Variants in ZSWIM6 observed in about 807,000 individuals in gnomAD.
ZSWIM6 encodes the protein zinc finger SWIM-type containing 6, also known as zinc finger SWIM domain-containing protein 6.
In ZSWIM6, 9 loss-of-function variants were observed where a neutral mutation model predicts 113.2. The observed-to-expected ratio is 0.08, with a 90% CI of 0.05 to 0.14. The LOEUF (loss-of-function observed/expected upper bound fraction) is 0.14, where lower values mean the gene tolerates loss of function less well. Ranked by LOEUF, ZSWIM6 falls within the 10% of genes least tolerant of loss-of-function variation. The pLI is 1.00. For missense variants in ZSWIM6, 1,162 were observed against 1,552.2 expected (o/e 0.75, Z 4.22); for synonymous variants, 611 against 606.5 (o/e 1.01, Z -0.11).
At position 61,517,766 on chromosome 5, in the gene ZSWIM6, T is replaced by TTAA. The variant is rs1184060694; in HGVS notation, c.1334-3496_1334-3495insAAT. ...AATTGAAATCCTCAGGAGATTTTTT[T>TTAA]TTAATTATTTAATTATTTATTTATT... On this transcript the variant is annotated intron_variant, in intron 4 of 13. Transcript: ENST00000252744. Among the ~76,000 whole-genome samples, 464 of 150,432 alleles carry TTAA rather than the reference T, an allele frequency of 3.1e-3. 5 individuals are homozygous for TTAA. The highest frequency in any genetic ancestry group is 0.011 in the African/African-American group (450 of 41,248).
At chr5:61,333,473 G>A (rs968000002) in intron 1 of ZSWIM6, among the ~76,000 whole-genome samples, 1 of 151,948 alleles carries the variant, frequency 6.6e-6, no homozygotes, top group African/African-American at 2.4e-5. Context: ...CGATTTGAGG[G>A]GAGGGGAATA....
chr5:61,390,451 T>C (rs1745683799), intron 1 of ZSWIM6, among the ~76,000 whole-genome samples: 1 of 152,218 alleles, frequency 6.6e-6, no homozygotes, highest in South Asian at 2.1e-4. Context: ...TTTTAGTGTT[T>C]TCCAAAATAT....
chr5:61,391,294 T>C (rs1021174606), intron 1 of ZSWIM6: 9 of 854,264 alleles, frequency 1.1e-5, no homozygotes, highest in Non-Finnish European at 1.8e-5. Flanking sequence ...CCAGTCCAGC[T>C]TCTTGGCCAT....
chr5:61,399,265 G>A (rs1745901541), intron 1 of ZSWIM6, among the ~76,000 whole-genome samples: 1 of 143,720 alleles, frequency 7.0e-6, no homozygotes, highest in Non-Finnish European at 1.5e-5. Flanking sequence ...GATAATCAGT[G>A]TCTATTATTT....
chr5:61,473,540 A>T (rs910625590), intron 2 of ZSWIM6, among the ~76,000 whole-genome samples: 2 of 152,208 alleles, frequency 1.3e-5, no homozygotes, highest in Admixed American at 6.5e-5. Context: ...TTTTCTTTTA[A>T]AACTTTTATA....
intron 9 of ZSWIM6, among the ~76,000 whole-genome samples, chr5:61,534,352 C>T (rs1749519751): frequency 6.6e-6 from 1 of 152,114 alleles, no homozygotes; most frequent in African/African-American, 2.4e-5. Context: ...AAAAACTCAA[C>T]TGAATTAAAA....
intron 3 of ZSWIM6, 89 bp downstream of exon 3, chr5:61,491,023 A>G: frequency 1.6e-6 from 2 of 1,270,908 alleles, no homozygotes; most frequent in Non-Finnish European, 2.1e-6. Context: ...TAGGATAAAG[A>G]CTTTTAAAAA....
chr5:61,435,732 T>C (rs1365224875), intron 1 of ZSWIM6, among the ~76,000 whole-genome samples: 1 of 152,184 alleles, frequency 6.6e-6, no homozygotes, highest in Non-Finnish European at 1.5e-5. Flanking sequence ...AAGAAGCTGA[T>C]TTATTATATT....
In ZSWIM6 at chr5:61,332,710, C is replaced by CA; in HGVS notation, c.438_439insA (p.Ala147SerfsTer107). 1 of 968,746 alleles carries CA rather than the reference C, an allele frequency of 1.0e-6. No homozygotes were observed. Among genetic ancestry groups the CA allele is most frequent in the Non-Finnish European group, 1.2e-6 (1 of 821,604 alleles). 60.0% of individuals were successfully genotyped at this position (968,746 alleles called of 1,614,324 possible). On this transcript the variant is annotated frameshift_variant, in exon 1 of 14. Transcript: ENST00000252744. LOFTEE classifies it high-confidence loss of function. ...GCGACGACAGCGGTGGCGGCGGCGG[C>CA]GCGGGCGGCGGCGGCGGCGGCGGCT...
intron 1 of ZSWIM6, among the ~76,000 whole-genome samples, chr5:61,422,383 A>G (rs1370373074): frequency 2.0e-5 from 3 of 152,190 alleles, no homozygotes; most frequent in Non-Finnish European, 4.4e-5. Context: ...CTGTAGATAT[A>G]TGGATTCATC....
At position 61,371,926 on chromosome 5, in the gene ZSWIM6, T is replaced by C. The variant is rs536333833; in HGVS notation, c.676+38978T>C. ...GATTGGACATTAAGCACATGAACTT[T>C]AAATTCCACTTTCCATTTTGATGTG... On this transcript the variant is annotated intron_variant, in intron 1 of 13. Transcript: ENST00000252744. Among the ~76,000 whole-genome samples, 4 of 152,378 alleles carry C rather than the reference T, an allele frequency of 2.6e-5. No individual in the cohort carries two copies. In the South Asian group the frequency reaches 8.3e-4, roughly 32 times the overall value.
chr5:61,402,601 A>G (rs1044576037), intron 1 of ZSWIM6, among the ~76,000 whole-genome samples: 2 of 151,960 alleles, frequency 1.3e-5, no homozygotes, highest in African/African-American at 4.8e-5. Context: ...TTTAATGACT[A>G]ACTTTCTTCA....
At position 61,384,243 on chromosome 5, in the gene ZSWIM6, G is replaced by A. The variant is rs1579966882; in HGVS notation, c.676+51295G>A. 2.8e-5 allele frequency among the ~76,000 whole-genome samples: 3 copies of A among 107,842 alleles called. No individual in the cohort carries two copies. In the East Asian group the frequency reaches 8.2e-4, roughly 29 times the overall value. 70.7% of individuals were successfully genotyped at this position (107,842 alleles called of 152,430 possible). A position where few individuals can be genotyped will look rare whatever the true frequency, so the allele number is the denominator to read the frequency against. ...AGCCTAGGCGACAGAGCGAGACTCC[G>A]TCTCAAAAAAAAAAAAAAAAAAAAA... On this transcript the variant is annotated intron_variant, in intron 1 of 13. Transcript: ENST00000252744.
intron 1 of ZSWIM6, among the ~76,000 whole-genome samples, chr5:61,456,803 C>T (rs1747213274): frequency 6.6e-6 from 1 of 151,868 alleles, no homozygotes; most frequent in African/African-American, 2.4e-5. Flanking sequence ...TGTATCTTTT[C>T]TTCTATCATA....
chr5:61,492,142 A>G (rs1310603984), intron 3 of ZSWIM6, among the ~76,000 whole-genome samples: 2 of 152,142 alleles, frequency 1.3e-5, no homozygotes, highest in African/African-American at 2.4e-5. Context: ...ACTTAAGAGT[A>G]AAGTGTTTAT....
chr5:61,408,291 T>C (rs962451825), intron 1 of ZSWIM6, among the ~76,000 whole-genome samples: 4 of 152,232 alleles, frequency 2.6e-5, no homozygotes, highest in Non-Finnish European at 4.4e-5. Flanking sequence ...ACAGGGCAAC[T>C]GAGGGACGAA....
chr5:61,432,644 G>T (rs978378328), intron 1 of ZSWIM6, among the ~76,000 whole-genome samples: 1 of 152,190 alleles, frequency 6.6e-6, no homozygotes, highest in African/African-American at 2.4e-5. Context: ...CCTGTTTGTT[G>T]TGAGGCACCT....
intron 1 of ZSWIM6, among the ~76,000 whole-genome samples, chr5:61,360,807 A>G (rs1377221491): frequency 6.6e-6 from 1 of 152,164 alleles, no homozygotes; most frequent in Non-Finnish European, 1.5e-5. Context: ...GCTTTTGATA[A>G]CAGTAGCCAT....
chr5:61,379,653 T>C (rs938096053), intron 1 of ZSWIM6, among the ~76,000 whole-genome samples: 5 of 152,222 alleles, frequency 3.3e-5, no homozygotes, highest in African/African-American at 9.6e-5. Flanking sequence ...TCTTGTGATA[T>C]ATGTCTTTTC....
Sources: gnomAD v4.1 joint callset for allele counts (sites outside exome capture counted in the v4.1 genomes callset) on GRCh38, gnomAD v4.1.1 for gene constraint, MANE v1.5 for transcripts, NCBI Gene and HGNC (gene_info 2026-07-23, HGNC 2026-07-21) for gene names.